IKZF2: variants seen among roughly 807,000 people sequenced by gnomAD.
The protein encoded by IKZF2 is IKAROS family zinc finger 2.
IKZF2 carries 15 observed loss-of-function variants against 49.2 expected under a neutral mutation model. That is an observed-to-expected ratio of 0.30 (90% CI 0.20 to 0.47). IKZF2 has a LOEUF of 0.47. Ranked by LOEUF, IKZF2 falls within the 20% of genes least tolerant of loss-of-function variation. The pLI is 1.00. For synonymous variants in IKZF2, 227 were observed against 221.4 expected (o/e 1.03, Z -0.23); for missense variants, 567 against 664.6 (o/e 0.85, Z 1.61).
chr2:213,136,170 G>A (rs1431851237), intron 4 of IKZF2, among the ~76,000 whole-genome samples: 1 of 151,380 alleles, frequency 6.6e-6, no homozygotes, highest in Non-Finnish European at 1.5e-5. Flanking sequence ...AAGAGTTTGA[G>A]ACCAGCCTGA....
intron 1 of IKZF2, among the ~76,000 whole-genome samples, chr2:213,150,904 GTTT>G (rs199710880): frequency 1.4e-5 from 2 of 139,092 alleles, no homozygotes; most frequent in Admixed American, 7.1e-5. Flanking sequence ...AGGGTTTTTG[GTTT>G]TTTTTTTTTT....
intron 6 of IKZF2, among the ~76,000 whole-genome samples, chr2:213,033,259 T>C (rs1415627663): frequency 1.3e-5 from 2 of 152,238 alleles, no homozygotes; most frequent in African/African-American, 2.4e-5. Context: ...CTTTATCCAC[T>C]GAAGTCCTGA....
chr2:213,046,240 C>T (rs555382802), intron 6 of IKZF2, among the ~76,000 whole-genome samples: 4 of 152,266 alleles, frequency 2.6e-5, no homozygotes, highest in South Asian at 4.1e-4. Context: ...CAAAAATGTA[C>T]ACAACAGCAT....
At chr2:213,149,716 C>T (rs893769303) in intron 2 of IKZF2, among the ~76,000 whole-genome samples, 2 of 151,738 alleles carry the variant, frequency 1.3e-5, no homozygotes. Flanking sequence ...AGCTTCACTT[C>T]TTGTCTCCAA....
At position 213,007,184 on chromosome 2, in the gene IKZF2, A is replaced by T; in HGVS notation, c.*176T>A. 1.6e-6 allele frequency: 1 copy of T among 631,688 alleles called. No homozygotes were observed. The highest frequency in any genetic ancestry group is 2.7e-5 in the South Asian group (1 of 36,750). The allele number at this position is 631,688 out of a possible 1,614,324, so 39.1% of individuals were successfully genotyped here. A position where few individuals can be genotyped will look rare whatever the true frequency, so the allele number is the denominator to read the frequency against. On this transcript the variant is annotated 3_prime_UTR_variant, in exon 9 of 9. Coordinates refer to ENST00000434687, the MANE Select transcript of IKZF2 (RefSeq NM_001387220.1). ...CCCTTCTCTCTTCTGTTTCTTCCTT[A>T]TCGTAATTAGGCAGAGCAAATGACA...
intron 6 of IKZF2, among the ~76,000 whole-genome samples, chr2:213,036,980 C>T (rs1699099310): frequency 6.6e-6 from 1 of 152,038 alleles, no homozygotes; most frequent in Non-Finnish European, 1.5e-5. Context: ...TGTGTCATGC[C>T]CTTCTGGATA....
intron 4 of IKZF2, among the ~76,000 whole-genome samples, chr2:213,075,988 A>G (rs1170972629): frequency 6.6e-6 from 1 of 152,204 alleles, no homozygotes; most frequent in Non-Finnish European, 1.5e-5. Flanking sequence ...AGAGCAGATA[A>G]GGCATCACAG....
At chr2:213,122,965 T>C (rs1444608978) in intron 4 of IKZF2, among the ~76,000 whole-genome samples, 1 of 152,222 alleles carries the variant, frequency 6.6e-6, no homozygotes, top group African/African-American at 2.4e-5. Context: ...GGTGCACATA[T>C]TGAAATATAT....
chr2:213,065,070 T>A (rs1270045210), intron 4 of IKZF2, among the ~76,000 whole-genome samples: 1 of 152,114 alleles, frequency 6.6e-6, no homozygotes, highest in African/African-American at 2.4e-5. Context: ...CCTTTTCCAG[T>A]GAAACCACTG....
chr2:213,048,489 C>G (rs1230847919), intron 6 of IKZF2, among the ~76,000 whole-genome samples: 1 of 152,058 alleles, frequency 6.6e-6, no homozygotes, highest in Non-Finnish European at 1.5e-5. Flanking sequence ...AAATGCCTAT[C>G]ATGTCCTAGA....
chr2:213,147,497 A>T, intron 4 of IKZF2: 1 of 647,596 alleles, frequency 1.5e-6, no homozygotes, highest in Admixed American at 2.3e-5. Flanking sequence ...CCAGCTCCCA[A>T]ATGCCACCTT....
intron 4 of IKZF2, among the ~76,000 whole-genome samples, chr2:213,093,946 A>G (rs1341603637): frequency 2.0e-5 from 3 of 152,202 alleles, no homozygotes; most frequent in African/African-American, 7.2e-5. Context: ...GAAGTTAGTA[A>G]AAGTTTCAAG....
At chr2:213,066,727 T>G (rs570131585) in intron 4 of IKZF2, among the ~76,000 whole-genome samples, 2 of 152,208 alleles carry the variant, frequency 1.3e-5, no homozygotes, top group East Asian at 3.9e-4. Flanking sequence ...TCTTCTTCTT[T>G]ACAATGCTCA....
intron 4 of IKZF2, among the ~76,000 whole-genome samples, chr2:213,088,167 G>A (rs982845982): frequency 3.3e-5 from 5 of 152,184 alleles, no homozygotes; most frequent in Non-Finnish European, 7.3e-5. Flanking sequence ...TCCAGCACCT[G>A]CTGTTTCCTG....
intron 6 of IKZF2, among the ~76,000 whole-genome samples, chr2:213,029,819 C>G (rs2125168827): frequency 6.6e-6 from 1 of 152,072 alleles, no homozygotes; most frequent in Non-Finnish European, 1.5e-5. Context: ...ACTTTTAGCC[C>G]TAAATGAACT....
intron 4 of IKZF2, among the ~76,000 whole-genome samples, chr2:213,143,425 T>G (rs2060940494): frequency 6.6e-6 from 1 of 151,988 alleles, no homozygotes; most frequent in African/African-American, 2.4e-5. Context: ...GTTACAGCAC[T>G]TTTGCTGTTG....
At chr2:213,082,213 T>C (rs1172291735) in intron 4 of IKZF2, among the ~76,000 whole-genome samples, 1 of 152,184 alleles carries the variant, frequency 6.6e-6, no homozygotes, top group Non-Finnish European at 1.5e-5. Context: ...CAGCAATAAA[T>C]GTATACTTAA....
chr2:213,141,259 G>GA (rs1000649643), intron 4 of IKZF2, among the ~76,000 whole-genome samples: 1 of 151,676 alleles, frequency 6.6e-6, no homozygotes, highest in African/African-American at 2.4e-5. Context: ...CTCAATCATT[G>GA]AAACAGCCTG....
At chr2:213,137,740 C>A (rs564999152) in intron 4 of IKZF2, among the ~76,000 whole-genome samples, 6 of 152,052 alleles carry the variant, frequency 3.9e-5, no homozygotes, top group African/African-American at 1.4e-4. Context: ...TTTTAAACAA[C>A]AAAACAAGGA....
Sources: allele counts gnomAD v4.1 joint callset (sites outside exome capture counted in the v4.1 genomes callset), GRCh38; gene constraint gnomAD v4.1.1; transcripts MANE v1.5; gene names NCBI Gene and HGNC (gene_info 2026-07-23, HGNC 2026-07-21).